Variants in HPSE2 observed in about 807,000 individuals in gnomAD.
HPSE2 encodes the protein inactive heparanase-2.
Under a neutral mutation model 60.5 loss-of-function variants are expected in HPSE2, and 38 were observed. The observed-to-expected ratio is 0.63, with a 90% confidence interval of 0.48 to 0.82. The LOEUF (loss-of-function observed/expected upper bound fraction) is 0.82. HPSE2 is among the 40% of genes least tolerant of loss of function. HPSE2 has a pLI of 0.00. For missense variants in HPSE2, 713 were observed against 740.4 expected, an observed-to-expected ratio of 0.96 and a Z score of 0.43; for synonymous variants, 295 against 293.2, an observed-to-expected ratio of 1.01 and a Z score of -0.06.
Position 98,896,498 on chromosome 10 carries a change from G to T in HPSE2, c.611-152442C>A, listed in dbSNP as rs577616757. On this transcript the variant is annotated intron_variant, in intron 3 of 11. Transcript: ENST00000370552. ...AAAATGGTGATGAAGAAAAAACATG[G>T]TTTAAGAGAAATTTTTAGCATTAAA... Among the ~76,000 whole-genome samples the T allele has an allele frequency of 7.9e-5, 12 of 152,214 alleles. No homozygotes were observed. The South Asian group carries it at 2.5e-3, about 32-fold the overall frequency.
chr10:99,294,594 T>C, the HPSE2 span, among the ~76,000 whole-genome samples: 1 of 151,502 alleles, frequency 6.6e-6, no homozygotes, highest in African/African-American at 2.4e-5. Context: ...GACTGGCAAG[T>C]TGTAAATTAG....
At chr10:98,544,843 C>A (rs1388611453) in intron 9 of HPSE2, among the ~76,000 whole-genome samples, 1 of 151,136 alleles carries the variant, frequency 6.6e-6, no homozygotes, top group Non-Finnish European at 1.5e-5. Context: ...AAAAAACCCT[C>A]AAAAAATCAA....
chr10:98,514,883 T>C (rs946508060), intron 9 of HPSE2, among the ~76,000 whole-genome samples: 1 of 151,484 alleles, frequency 6.6e-6, no homozygotes, highest in Non-Finnish European at 1.5e-5. Flanking sequence ...CACACCCGGC[T>C]ATTTTTTTTT....
chr10:98,471,304 C>A (rs575807799), intron 11 of HPSE2, among the ~76,000 whole-genome samples: 1 of 152,128 alleles, frequency 6.6e-6, no homozygotes, highest in Admixed American at 6.5e-5. Flanking sequence ...TTGGTCCCAA[C>A]CCAAAGATTT....
chr10:98,694,072 T>A (rs1948149136), intron 5 of HPSE2, 125 bp from the exon 6 acceptor site: 1 of 775,856 alleles, frequency 1.3e-6, no homozygotes, highest in African/African-American at 1.7e-5. Flanking sequence ...GAGAGGATCC[T>A]CCATAGCCAC....
chr10:98,524,425 C>T (rs1377802960), intron 9 of HPSE2, among the ~76,000 whole-genome samples: 15 of 152,272 alleles, frequency 9.9e-5, no homozygotes, highest in Admixed American at 8.5e-4. Context: ...CGAGAGGCCA[C>T]ACTTTCTTTC....
intron 3 of HPSE2, among the ~76,000 whole-genome samples, chr10:98,831,013 C>A (rs1307150199): frequency 6.6e-6 from 1 of 152,170 alleles, no homozygotes; most frequent in African/African-American, 2.4e-5. Context: ...ATTTAGTCTG[C>A]TCCAGATGTT....
chr10:98,748,586 G>GC (rs1565133744), intron 3 of HPSE2, among the ~76,000 whole-genome samples: 1 of 152,164 alleles, frequency 6.6e-6, no homozygotes, highest in African/African-American at 2.4e-5. Context: ...AAGATGAGGA[G>GC]CTGGGACTTG....
intron 9 of HPSE2, among the ~76,000 whole-genome samples, chr10:98,538,086 A>G (rs564727190): frequency 6.6e-6 from 1 of 152,276 alleles, no homozygotes; most frequent in South Asian, 2.1e-4. Flanking sequence ...AATCACTTAG[A>G]AGATTCACCC....
intron 3 of HPSE2, among the ~76,000 whole-genome samples, chr10:98,804,776 G>C (rs1260873063): frequency 6.6e-6 from 1 of 152,144 alleles, no homozygotes; most frequent in East Asian, 1.9e-4. Context: ...CAATCCCATT[G>C]CTGGGTATAT....
intron 2 of HPSE2, among the ~76,000 whole-genome samples, chr10:99,231,331 A>G (rs1380549986): frequency 2.0e-5 from 3 of 152,196 alleles, no homozygotes. Flanking sequence ...TACATATAAA[A>G]CTAGTTTACT....
At chr10:99,053,393 A>C (rs1958035116) in intron 3 of HPSE2, among the ~76,000 whole-genome samples, 1 of 152,138 alleles carries the variant, frequency 6.6e-6, no homozygotes, top group Non-Finnish European at 1.5e-5. Flanking sequence ...CTAAAAAGAC[A>C]TTAGAAGAAT....
chr10:99,230,044 C>A (rs2133946724), intron 2 of HPSE2, among the ~76,000 whole-genome samples: 1 of 152,324 alleles, frequency 6.6e-6, no homozygotes, highest in East Asian at 1.9e-4. Context: ...CATTCTCATT[C>A]TCTTTAACTC....
intron 2 of HPSE2, among the ~76,000 whole-genome samples, chr10:99,212,251 T>C (rs1164812462): frequency 3.9e-5 from 6 of 152,228 alleles, no homozygotes; most frequent in East Asian, 1.9e-4. Context: ...AGAGCCATTA[T>C]GGAAAACAGT....
At chr10:99,030,311 A>G (rs1008343032) in intron 3 of HPSE2, among the ~76,000 whole-genome samples, 2 of 152,202 alleles carry the variant, frequency 1.3e-5, no homozygotes, top group Non-Finnish European at 2.9e-5. Flanking sequence ...GCTGCCCACA[A>G]ATCCAATCAA....
Position 98,708,054 on chromosome 10 carries a change from G to T in HPSE2, c.956+13603C>A, listed in dbSNP as rs138051771. On this transcript the variant is annotated intron_variant, in intron 5 of 11. Transcript: ENST00000370552. The stretch of plus-strand genomic sequence containing the variant: ...GAAAAACTGAAGCATTTTGAAATGT[G>T]CTATGTGATTTGTTGTCTACTTGGG... Among the ~76,000 whole-genome samples, 538 of 152,262 alleles carry T rather than the reference G, an allele frequency of 3.5e-3. 5 individuals are homozygous for T. Among genetic ancestry groups the T allele is most frequent in the African/African-American group, 0.012 (515 of 41,564 alleles).
chr10:98,704,668 C>T (rs556659656), intron 5 of HPSE2, among the ~76,000 whole-genome samples: 87 of 152,206 alleles, frequency 5.7e-4, no homozygotes, highest in African/African-American at 2.0e-3. Flanking sequence ...GAAAGGATTC[C>T]CTATTTAATA....
At chr10:98,638,612 G>A (rs1286287859) in intron 7 of HPSE2, among the ~76,000 whole-genome samples, 2 of 152,168 alleles carry the variant, frequency 1.3e-5, no homozygotes, top group Non-Finnish European at 2.9e-5. Flanking sequence ...AACAGTCAAA[G>A]CAACATTTCA....
intron 3 of HPSE2, among the ~76,000 whole-genome samples, chr10:99,025,270 C>T (rs2135435855): frequency 6.6e-6 from 1 of 152,186 alleles, no homozygotes; most frequent in Non-Finnish European, 1.5e-5. Context: ...ATTAGGTCAA[C>T]CATTGTGCAA....
Sources: allele counts gnomAD v4.1 joint callset (sites outside exome capture counted in the v4.1 genomes callset), GRCh38; gene constraint gnomAD v4.1.1; transcripts MANE v1.5; gene names NCBI Gene and HGNC (gene_info 2026-07-23, HGNC 2026-07-21).